PROM1: variants seen among roughly 807,000 people sequenced by gnomAD.
PROM1 encodes prominin-1.
In PROM1, 105 loss-of-function variants were observed where a neutral mutation model predicts 116.9. The ratio of observed to expected loss-of-function variants is 0.90; its 90% CI spans 0.77 to 1.06. PROM1 has a LOEUF of 1.06. Ranked by LOEUF, PROM1 falls within the 50% of genes least tolerant of loss-of-function variation. The pLI, the probability that PROM1 is intolerant of heterozygous loss-of-function variation, is 0.00. For missense variants in PROM1, 1,122 were observed against 1,045.2 expected (o/e 1.07, Z -1.01); for synonymous variants, 393 against 387.0 (o/e 1.02, Z -0.18).
At chr4:16,060,894 C>T (rs959914699) in intron 2 of PROM1, among the ~76,000 whole-genome samples, 4 of 152,124 alleles carry the variant, frequency 2.6e-5, no homozygotes, top group Non-Finnish European at 5.9e-5. Context: ...TTCGATGATT[C>T]GGATTTAATT....
At chr4:16,008,346 C>G (rs543442231) in intron 12 of PROM1, among the ~76,000 whole-genome samples, 2 of 152,196 alleles carry the variant, frequency 1.3e-5, no homozygotes, top group African/African-American at 4.8e-5. Flanking sequence ...CCCCACCACT[C>G]GCATTTTCTA....
chr4:16,017,119 G>T lies in PROM1; in HGVS notation c.1003-879C>A, dbSNP rs535801083. Among the ~76,000 whole-genome samples the T allele has an allele frequency of 2.0e-5, 3 of 152,234 alleles. No individual in the cohort carries two copies. In the South Asian group the frequency reaches 6.2e-4, roughly 32 times the overall value. On this transcript the variant is annotated intron_variant, in intron 9 of 27. Coordinates refer to ENST00000447510, the MANE Select transcript of PROM1 (RefSeq NM_006017.3). ...TTTAGGGGTAAAAAGGCATGATGAT[G>T]TCTACAACTTATCCCCAACTTACCT...
At position 16,018,342 on chromosome 4, in the gene PROM1, C is replaced by T; in HGVS notation, c.983G>A (p.Ser328Asn). 6.2e-7 allele frequency: 1 copy of T among 1,613,324 alleles called. No homozygotes were observed. The highest frequency in any genetic ancestry group is 8.5e-7 in the Non-Finnish European group (1 of 1,179,876). ...GCTCACCTGCCTCAGTTCAGGGTTG[C>T]TATTCAGCTGGCTTAGAGACAATCT... The part of the protein sequence containing the change: ...SIRLSLSQLN[S>N]NPELRQLPPV... The change falls in exon 9 of 28, where the codon AGC (serine) becomes AAC (asparagine). Residue 328 changes from serine to asparagine, a missense_variant. Transcript: ENST00000447510.
intron 27 of PROM1, among the ~76,000 whole-genome samples, chr4:15,970,607 TAC>T (rs1461790341): frequency 2.0e-5 from 3 of 152,108 alleles, no homozygotes; most frequent in African/African-American, 7.2e-5. Flanking sequence ...TGCATATATA[TAC>T]AGAGAGGGTC....
intron 5 of PROM1, among the ~76,000 whole-genome samples, chr4:16,031,951 A>G (rs889737199): frequency 2.0e-5 from 3 of 152,114 alleles, no homozygotes; most frequent in African/African-American, 7.2e-5. Flanking sequence ...AGTTAATTCA[A>G]TAGGTAATAC....
chr4:16,083,340 C>G (rs1745395647), intron 1 of PROM1: 1 of 152,196 alleles, frequency 6.6e-6, no homozygotes, highest in African/African-American at 2.4e-5. Flanking sequence ...CGGCTACCCC[C>G]ACCCCCGCCC....
chr4:16,030,662 G>A (rs1732460854), intron 5 of PROM1, among the ~76,000 whole-genome samples: 1 of 152,154 alleles, frequency 6.6e-6, no homozygotes, highest in African/African-American at 2.4e-5. Flanking sequence ...TCAACATAAT[G>A]TAAATAACTC....
chr4:16,028,648 G>C (rs754171873), intron 5 of PROM1, among the ~76,000 whole-genome samples: 1 of 151,710 alleles, frequency 6.6e-6, no homozygotes, highest in South Asian at 2.1e-4. Context: ...GCAAAAAAAA[G>C]GTATGTGAAT....
At chr4:16,054,873 C>T (rs1036571904) in intron 2 of PROM1, among the ~76,000 whole-genome samples, 1 of 151,990 alleles carries the variant, frequency 6.6e-6, no homozygotes, top group Admixed American at 6.6e-5. Flanking sequence ...AAAAAATCAT[C>T]CCTATCCTCA....
At chr4:16,043,644 T>G (rs564952149) in intron 2 of PROM1, among the ~76,000 whole-genome samples, 1 of 152,294 alleles carries the variant, frequency 6.6e-6, no homozygotes, top group African/African-American at 2.4e-5. Context: ...CCACTTTGAA[T>G]GGATATTTTT....
chr4:16,051,871 T>G (rs1183780260), intron 2 of PROM1, among the ~76,000 whole-genome samples: 1 of 152,206 alleles, frequency 6.6e-6, no homozygotes, highest in African/African-American at 2.4e-5. Context: ...CTGGGATTTG[T>G]AAGAACTCGG....
At chr4:16,017,346 G>T (rs901356285) in intron 9 of PROM1, among the ~76,000 whole-genome samples, 1 of 151,988 alleles carries the variant, frequency 6.6e-6, no homozygotes, top group African/African-American at 2.4e-5. Context: ...AAAATAAAAA[G>T]TGCACCCCAA....
chr4:16,018,644 G>A, intron 8 of PROM1, 104 bp from the exon 9 acceptor site: 1 of 974,888 alleles, frequency 1.0e-6, no homozygotes, highest in Non-Finnish European at 1.6e-6. Flanking sequence ...GACTTTAGAT[G>A]GCAGTGAGAG....
chr4:16,072,623 C>G (rs1455137454), intron 2 of PROM1, among the ~76,000 whole-genome samples: 1 of 152,164 alleles, frequency 6.6e-6, no homozygotes, highest in South Asian at 2.1e-4. Context: ...AGACCTTTCC[C>G]AAGACAAACC....
At chr4:16,045,537 CTTACCGAA>C (rs2149444448) in intron 2 of PROM1, among the ~76,000 whole-genome samples, 1 of 152,250 alleles carries the variant, frequency 6.6e-6, no homozygotes, top group Admixed American at 6.5e-5. Flanking sequence ...TACAACACAC[CTTACCGAA>C]TTAAGACCCC....
intron 4 of PROM1, among the ~76,000 whole-genome samples, chr4:16,035,051 G>A (rs1367017837): frequency 1.3e-5 from 2 of 152,078 alleles, no homozygotes; most frequent in African/African-American, 4.8e-5. Flanking sequence ...TCCATATTAA[G>A]ATTAAATTGC....
intron 10 of PROM1, among the ~76,000 whole-genome samples, chr4:16,015,100 C>T (rs55666771): frequency 0.12 from 18,086 of 152,216 alleles, 1,184 homozygotes; most frequent in African/African-American, 0.13. Context: ...AATCCCAGCA[C>T]TTTGGGAGGC....
intron 13 of PROM1, chr4:16,003,405 C>A (rs796849201): frequency 2.2e-6 from 1 of 456,588 alleles, no homozygotes; most frequent in Non-Finnish European, 4.4e-6. Context: ...CTTTTTACAG[C>A]CCTTGCTATA....
At chr4:16,057,942 A>G (rs6830397) in intron 2 of PROM1, among the ~76,000 whole-genome samples, 4,166 of 152,308 alleles carry the variant, frequency 0.027, 185 homozygotes, top group African/African-American at 0.094. Context: ...CAAAAGGTAC[A>G]GCAGAGTCCT....
Sources: gnomAD v4.1 joint callset for allele counts (sites outside exome capture counted in the v4.1 genomes callset) on GRCh38, gnomAD v4.1.1 for gene constraint, MANE v1.5 for transcripts, NCBI Gene and HGNC (gene_info 2026-07-23, HGNC 2026-07-21) for gene names.